The following FAM117A variants were observed in gnomAD, a reference collection of about 807,000 sequenced individuals.
The protein encoded by FAM117A is protein FAM117A.
FAM117A carries 21 observed loss-of-function variants against 44.1 expected under a neutral mutation model. The observed-to-expected ratio is 0.48, with a 90% confidence interval of 0.34 to 0.69. FAM117A has a LOEUF of 0.69. FAM117A is among the 30% of genes least tolerant of loss of function. The probability of loss-of-function intolerance (pLI) is 0.01; values close to 1 mark genes in which losing one functional copy is unlikely to be tolerated. For synonymous variants in FAM117A, 220 were observed against 238.3 expected (o/e 0.92, Z 0.71); for missense variants, 498 against 589.9 (o/e 0.84, Z 1.61).
chr17:49,740,266 G>C (rs1407103356), intron 1 of FAM117A, among the ~76,000 whole-genome samples: 1 of 135,430 alleles, frequency 7.4e-6, no homozygotes, highest in Admixed American at 7.4e-5. Context: ...TTTTTTTTTT[G>C]AGAGGGAGTC....
rs2073735296 is a variant in FAM117A, at chr17:49,764,076, G to A, written c.12C>T (p.Ala4=). The A allele has an allele frequency of 1.6e-6, 2 of 1,254,626 alleles. No homozygotes were observed. The highest frequency in any genetic ancestry group is 2.0e-6 in the Non-Finnish European group (2 of 996,180). 77.7% of individuals were successfully genotyped at this position (1,254,626 alleles called of 1,614,324 possible). A position where few individuals can be genotyped will look rare whatever the true frequency, so the allele number is the denominator to read the frequency against. The change falls in exon 1 of 8, where the codon GCC becomes GCT. Residue 4 remains alanine (A), a synonymous_variant. Coordinates refer to ENST00000240364, the MANE Select transcript of FAM117A (RefSeq NM_030802.4). ...CACCTCCGCCTCTGCCGCCCGCTGC[G>A]GCCCCCGCCATGGCTCTCCCGGCTG... MAG[A]AAGGRGGGAW...
chr17:49,712,167 T>C (rs914289992), intron 7 of FAM117A, among the ~76,000 whole-genome samples: 9 of 151,568 alleles, frequency 5.9e-5, no homozygotes, highest in African/African-American at 2.2e-4. Context: ...AAAAGAAATA[T>C]TTCCTTAGTG....
At chr17:49,754,459 C>T (rs901347636) in intron 1 of FAM117A, among the ~76,000 whole-genome samples, 2 of 152,026 alleles carry the variant, frequency 1.3e-5, no homozygotes, top group African/African-American at 4.8e-5. Flanking sequence ...AGCCCACCAC[C>T]ACGCCCGGCT....
At position 49,731,522 on chromosome 17, in the gene FAM117A, G is replaced by C. The variant is rs572760220; in HGVS notation, c.366+1029C>G. 2.6e-5 allele frequency among the ~76,000 whole-genome samples: 4 copies of C among 152,330 alleles called. No homozygotes were observed. In the East Asian group the frequency reaches 7.7e-4, roughly 29 times the overall value. ...GATGATCTGCAGAGATTCTTTCCGA[G>C]CTTGGGATTCTTAATGAAAAGACTG... On this transcript the variant is annotated intron_variant, in intron 2 of 7. Transcript: ENST00000240364.
At chr17:49,769,226 C>A (rs1029665613) in intron 1 of FAM117A, among the ~76,000 whole-genome samples, 1 of 151,942 alleles carries the variant, frequency 6.6e-6, no homozygotes, top group African/African-American at 2.4e-5. Context: ...ACCCGGGAGG[C>A]GGAGGCTGCA....
intron 1 of FAM117A, among the ~76,000 whole-genome samples, chr17:49,750,599 A>AC (rs201598045): frequency 0.014 from 2,175 of 151,766 alleles, 56 homozygotes; most frequent in African/African-American, 0.044. Flanking sequence ...ACATGGTGAA[A>AC]CCCCCCATCT....
chr17:49,745,385 C>T (rs551508008), intron 1 of FAM117A, among the ~76,000 whole-genome samples: 10 of 152,316 alleles, frequency 6.6e-5, no homozygotes, highest in Admixed American at 5.2e-4. Context: ...GCCAACACCA[C>T]TGGGCCAAAG....
chr17:49,717,458 G>A, intron 6 of FAM117A, 55 bp downstream of exon 6: 1 of 1,526,094 alleles, frequency 6.6e-7, no homozygotes, highest in Non-Finnish European at 9.0e-7. Flanking sequence ...AAAAGGGAGT[G>A]GAGCCACTCA....
At chr17:49,712,064 T>C (rs1180151837) in intron 7 of FAM117A, among the ~76,000 whole-genome samples, 1 of 152,198 alleles carries the variant, frequency 6.6e-6, no homozygotes, top group Admixed American at 6.5e-5. Context: ...GAGAATCACT[T>C]GAACCTGGGA....
At chr17:49,765,337 A>G (rs1438677806), upstream of FAM117A, among the ~76,000 whole-genome samples, 1 of 152,202 alleles carries the variant, frequency 6.6e-6, no homozygotes, top group Non-Finnish European at 1.5e-5. Flanking sequence ...TGATCTTGCT[A>G]CAGATTTTTC....
intron 1 of FAM117A, among the ~76,000 whole-genome samples, chr17:49,775,200 C>T (rs1314567936): frequency 6.6e-6 from 1 of 152,178 alleles, no homozygotes; most frequent in Non-Finnish European, 1.5e-5. Context: ...GTTGGCCAGA[C>T]TGATCTCAAA....
At chr17:49,765,125 G>A (rs2073741456), upstream of FAM117A, among the ~76,000 whole-genome samples, 1 of 152,150 alleles carries the variant, frequency 6.6e-6, no homozygotes, top group Non-Finnish European at 1.5e-5. Context: ...AGGGATTTGG[G>A]AAAGAAAATA....
upstream of FAM117A, chr17:49,788,706 C>A: frequency 2.0e-6 from 2 of 992,964 alleles, no homozygotes; most frequent in Non-Finnish European, 2.9e-6. Flanking sequence ...CGCTGAGAGG[C>A]AGGAGGCACT....
chr17:49,727,574 C>T (rs1341089158), intron 2 of FAM117A, among the ~76,000 whole-genome samples: 8 of 152,082 alleles, frequency 5.3e-5, no homozygotes, highest in Admixed American at 3.9e-4. Context: ...CAAAACTGGA[C>T]GTGGCCAGAC....
chr17:49,754,252 G>A (rs1025891557), intron 1 of FAM117A, among the ~76,000 whole-genome samples: 1 of 152,110 alleles, frequency 6.6e-6, no homozygotes, highest in South Asian at 2.1e-4. Flanking sequence ...GTGTTATCAG[G>A]AGTGGTTTTC....
chr17:49,774,154 T>C (rs2073769412), intron 1 of FAM117A, among the ~76,000 whole-genome samples: 1 of 152,222 alleles, frequency 6.6e-6, no homozygotes, highest in Non-Finnish European at 1.5e-5. Context: ...TTTCTTTTTC[T>C]TTTTTGAGAT....
intron 1 of FAM117A, among the ~76,000 whole-genome samples, chr17:49,752,941 G>A (rs1435826749): frequency 2.0e-5 from 3 of 151,186 alleles, no homozygotes; most frequent in East Asian, 3.9e-4. Flanking sequence ...TTAGCTCACT[G>A]CAACCTTCGC....
At position 49,764,002 on chromosome 17, in the gene FAM117A, G is replaced by C. The variant is rs2073734519; in HGVS notation, c.86C>G (p.Ser29Cys). ...GGAGGLRRGC[S>C]PPAPAGSPRA... is the part of the protein sequence containing the mutation. ...GGGGGAGCCGGCGGGGGCTGGGGGAGAGCAGCCCCGCCGGAGCCCCCCGGC... is the reference window on the plus strand; with the variant it reads ...GGGGGAGCCGGCGGGGGCTGGGGGACAGCAGCCCCGCCGGAGCCCCCCGGC... The change falls in exon 1 of 8, where the codon TCT becomes TGT. Residue 29 changes from serine (S) to cysteine (C), a missense_variant. Ser to Cys is a moderately radical substitution (Grantham distance 112, BLOSUM62 -1). Transcript: ENST00000240364. 5.0e-6 allele frequency: 6 copies of C among 1,204,874 alleles called. No individual in the cohort carries two copies. The highest frequency in any genetic ancestry group is 6.2e-6 in the Non-Finnish European group (6 of 965,722). 74.6% of individuals were successfully genotyped at this position (1,204,874 alleles called of 1,614,324 possible).
intron 1 of FAM117A, among the ~76,000 whole-genome samples, chr17:49,733,168 T>G (rs1201151979): frequency 2.0e-5 from 3 of 152,200 alleles, no homozygotes. Flanking sequence ...GCTTAGGCAC[T>G]GCACAAATTC....
Sources: allele counts gnomAD v4.1 joint callset (sites outside exome capture counted in the v4.1 genomes callset), GRCh38; gene constraint gnomAD v4.1.1; transcripts MANE v1.5; gene names NCBI Gene and HGNC (gene_info 2026-07-23, HGNC 2026-07-21).